The following MAGI2 variants were observed in gnomAD, a reference collection of about 807,000 sequenced individuals.
MAGI2 encodes membrane-associated guanylate kinase, WW and PDZ domain-containing protein 2.
MAGI2 carries 35 observed loss-of-function variants against 133.3 expected under a neutral mutation model. The observed-to-expected ratio is 0.26, with a 90% CI of 0.20 to 0.35. MAGI2 has a LOEUF of 0.35. Ranked by LOEUF, MAGI2 falls within the 10% of genes least tolerant of loss-of-function variation. MAGI2 has a pLI of 1.00. For synonymous variants in MAGI2, 729 were observed against 710.6 expected, an observed-to-expected ratio of 1.03 and a Z score of -0.41; for missense variants, 1,636 against 1,863.4, an observed-to-expected ratio of 0.88 and a Z score of 2.25.
At chr7:78,858,831 G>T (rs1793891929) in intron 2 of MAGI2, among the ~76,000 whole-genome samples, 1 of 152,164 alleles carries the variant, frequency 6.6e-6, no homozygotes, top group African/African-American at 2.4e-5. Flanking sequence ...AATGTTGACA[G>T]TGGGGTGTTA....
At position 78,627,210 on chromosome 7, in the gene MAGI2, C is replaced by A. The variant is rs1380319552; in HGVS notation, c.448G>T (p.Val150Phe). ...CTTRPHKEGE[V>F]PGVDYIFITV... The stretch of plus-strand genomic sequence containing the variant: ...ATGAAAATATAATCCACTCCAGGGA[C>A]CTCACCCTCCTTATGTGGCCTTGTG... Residue 150 changes from valine (V) to phenylalanine (F), a missense_variant, in exon 3 of 22, where the codon GTC (valine) becomes TTC (phenylalanine). Val to Phe is a conservative substitution (Grantham distance 50). Coordinates refer to ENST00000354212, the MANE Select transcript of MAGI2 (RefSeq NM_012301.4). The A allele has an allele frequency of 3.2e-6, 5 of 1,581,184 alleles. No individual in the cohort carries two copies. The highest frequency in any genetic ancestry group is 1.4e-5 in the African/African-American group (1 of 73,180).
chr7:79,237,745 T>G (rs1767959888), intron 1 of MAGI2, among the ~76,000 whole-genome samples: 2 of 152,218 alleles, frequency 1.3e-5, no homozygotes, highest in South Asian at 4.1e-4. Context: ...TGATTTTGAT[T>G]GCTTGAACAA....
chr7:78,757,568 A>G (rs952899202), intron 2 of MAGI2, among the ~76,000 whole-genome samples: 3 of 152,128 alleles, frequency 2.0e-5, no homozygotes, highest in Non-Finnish European at 4.4e-5. Context: ...TTGAACTCTC[A>G]ATGTCACTAA....
At chr7:78,933,360 G>A (rs891272043) in intron 2 of MAGI2, among the ~76,000 whole-genome samples, 5 of 152,152 alleles carry the variant, frequency 3.3e-5, no homozygotes, top group Admixed American at 2.0e-4. Context: ...GCGGTGAACA[G>A]AGGCATGGAA....
At position 79,105,428 on chromosome 7, in the gene MAGI2, T is replaced by C. The variant is rs561888002; in HGVS notation, c.302-98222A>G. ...GAAAAGCATCCAGTTTCCTGCTCAG[T>C]AGCGATTTACTTGCACCATATAGGA... On this transcript the variant is annotated intron_variant, in intron 1 of 21. Transcript: ENST00000354212. 2.1e-4 allele frequency among the ~76,000 whole-genome samples: 32 copies of C among 152,264 alleles called. No homozygotes were observed. The South Asian group carries it at 6.2e-3, about 30-fold the overall frequency.
intron 7 of MAGI2, among the ~76,000 whole-genome samples, chr7:78,355,173 T>C (rs1185721503): frequency 2.0e-5 from 3 of 152,242 alleles, no homozygotes; most frequent in Admixed American, 1.3e-4. Flanking sequence ...GGATGTATTT[T>C]CAAATAACTT....
chr7:79,080,077 A>C (rs2129541806), intron 1 of MAGI2, among the ~76,000 whole-genome samples: 1 of 152,196 alleles, frequency 6.6e-6, no homozygotes, highest in South Asian at 2.1e-4. Flanking sequence ...TTTCTCTCAT[A>C]ATTACTTAAC....
intron 1 of MAGI2, among the ~76,000 whole-genome samples, chr7:79,439,459 A>G (rs1848359963): frequency 6.6e-6 from 1 of 152,038 alleles, no homozygotes; most frequent in Admixed American, 6.6e-5. Flanking sequence ...CACACTCTCT[A>G]TATTATACCC....
chr7:78,643,667 A>G (rs1392740755), intron 2 of MAGI2, among the ~76,000 whole-genome samples: 1 of 152,146 alleles, frequency 6.6e-6, no homozygotes, highest in Non-Finnish European at 1.5e-5. Flanking sequence ...CCTTTAAAAG[A>G]TAAGAGATGG....
At chr7:78,660,143 G>A (rs1232926057) in intron 2 of MAGI2, among the ~76,000 whole-genome samples, 1 of 151,024 alleles carries the variant, frequency 6.6e-6, no homozygotes, top group Non-Finnish European at 1.5e-5. Flanking sequence ...GAGGTGGGAG[G>A]GATAGCATTA....
intron 12 of MAGI2, among the ~76,000 whole-genome samples, chr7:78,189,758 T>G (rs1828032722): frequency 6.6e-6 from 1 of 152,178 alleles, no homozygotes; most frequent in South Asian, 2.1e-4. Context: ...CTTTCAAGGC[T>G]GCAGTGTGGA....
At chr7:78,567,783 A>T (rs577495045) in intron 3 of MAGI2, among the ~76,000 whole-genome samples, 2 of 151,900 alleles carry the variant, frequency 1.3e-5, no homozygotes, top group Non-Finnish European at 2.9e-5. Flanking sequence ...ACCTATTTTC[A>T]CCCCCCATCT....
chr7:78,564,548 G>T (rs1349353263), intron 3 of MAGI2, among the ~76,000 whole-genome samples: 1 of 151,958 alleles, frequency 6.6e-6, no homozygotes, highest in Non-Finnish European at 1.5e-5. Context: ...ATTATAATAA[G>T]GTTTTTAACG....
At chr7:78,388,171 T>C (rs1452985965) in intron 6 of MAGI2, among the ~76,000 whole-genome samples, 4 of 152,188 alleles carry the variant, frequency 2.6e-5, no homozygotes, top group South Asian at 2.1e-4. Flanking sequence ...TTCTGCATGA[T>C]GTTATAAGGA....
chr7:79,232,676 TTC>T (rs1405403891), intron 1 of MAGI2, among the ~76,000 whole-genome samples: 2 of 128,130 alleles, frequency 1.6e-5, no homozygotes, highest in East Asian at 2.3e-4. Context: ...TATTTGATTC[TTC>T]TCTCTTTTTT....
At chr7:78,724,524 G>A (rs1045474138) in intron 2 of MAGI2, among the ~76,000 whole-genome samples, 2 of 152,160 alleles carry the variant, frequency 1.3e-5, no homozygotes, top group African/African-American at 2.4e-5. Context: ...GAACCCAACT[G>A]TCTCACAATT....
At chr7:78,517,685 T>C (rs1457478823) in intron 4 of MAGI2, among the ~76,000 whole-genome samples, 1 of 152,154 alleles carries the variant, frequency 6.6e-6, no homozygotes, top group East Asian at 1.9e-4. Flanking sequence ...AGGATAGAAT[T>C]GTATTGATTT....
At chr7:79,250,348 CAA>C (rs61147108) in intron 1 of MAGI2, among the ~76,000 whole-genome samples, 211 of 130,478 alleles carry the variant, frequency 1.6e-3, no homozygotes, top group African/African-American at 5.7e-3. Flanking sequence ...ATGACTCTAC[CAA>C]AAAAAAAAAA....
intron 3 of MAGI2, among the ~76,000 whole-genome samples, chr7:78,622,055 A>G (rs1290724453): frequency 3.3e-5 from 5 of 151,998 alleles, no homozygotes; most frequent in Non-Finnish European, 7.4e-5. Context: ...ATCTTTGTGA[A>G]TAGAAAACAC....
Sources: allele counts gnomAD v4.1 joint callset (sites outside exome capture counted in the v4.1 genomes callset), GRCh38; gene constraint gnomAD v4.1.1; transcripts MANE v1.5; gene names NCBI Gene and HGNC (gene_info 2026-07-23, HGNC 2026-07-21).